Variants in ZNF197 observed in about 807,000 individuals in gnomAD.
ZNF197 encodes the protein VHL-associated KRAB-A domain-containing protein.
ZNF197 carries 14 observed loss-of-function variants against 27.4 expected under a neutral mutation model. The ratio of observed to expected loss-of-function variants is 0.51; its 90% CI spans 0.34 to 0.80. The LOEUF (loss-of-function observed/expected upper bound fraction) is 0.80, where lower values mean the gene tolerates loss of function less well. ZNF197 is among the 30% of genes least tolerant of loss of function. ZNF197 has a pLI of 0.02. For synonymous variants in ZNF197, 415 were observed against 420.0 expected, an observed-to-expected ratio of 0.99 and a Z score of 0.15; for missense variants, 1,090 against 1,222.6, an observed-to-expected ratio of 0.89 and a Z score of 1.62.
chr3:44,631,187 C>T lies in ZNF197; in HGVS notation c.516C>T (p.Asp172=), dbSNP rs765860236. The change falls in exon 3 of 6, where the codon GAC becomes GAT. Residue 172 remains aspartate (D), a synonymous_variant. Coordinates refer to ENST00000344387, the MANE Select transcript of ZNF197 (RefSeq NM_006991.5). ...AAEICPHPPT[D]LVAFNLQDPQ... ...AAATTTGCCCGCATCCTCCTACTGA[C>T]CTAGTGGCATTCAACCTCCAGGATC... The T allele has an allele frequency of 2.5e-6, 4 of 1,614,052 alleles. No individual in the cohort carries two copies. In the South Asian group the frequency reaches 3.3e-5, roughly 13 times the overall value.
intron 1 of ZNF197, among the ~76,000 whole-genome samples, chr3:44,627,288 A>C (rs1332866918): frequency 1.3e-5 from 2 of 152,198 alleles, no homozygotes; most frequent in Admixed American, 1.3e-4. Flanking sequence ...AAGTAAAATC[A>C]CTTCACTTAC....
rs142777984 is a variant in ZNF197 at position 44,634,861 on chromosome 3, T to C, written c.769+2262T>C. Reference sequence around the variant, plus strand: ...ATAGACATCTTGTGGAGGGGTGTTATTGCTTTTTGAGATGGCAGCCTCACT... The same window carrying C: ...ATAGACATCTTGTGGAGGGGTGTTACTGCTTTTTGAGATGGCAGCCTCACT... On this transcript the variant is annotated intron_variant, in intron 5 of 5. Transcript: ENST00000344387. Among the ~76,000 whole-genome samples the C allele has an allele frequency of 4.2e-3, 645 of 152,206 alleles. 6 individuals carry two copies. The highest frequency in any genetic ancestry group is 0.015 in the African/African-American group (620 of 41,522).
chr3:44,633,360 C>T (rs1267656864), intron 5 of ZNF197, among the ~76,000 whole-genome samples: 1 of 152,120 alleles, frequency 6.6e-6, no homozygotes, highest in Non-Finnish European at 1.5e-5. Flanking sequence ...CCTTAAATAG[C>T]TTACAATGGT....
chr3:44,646,710 T>G lies in ZNF197; in HGVS notation c.*2490T>G. The G allele has an allele frequency of 1.8e-6, 1 of 555,770 alleles. No individual in the cohort carries two copies. The highest frequency in any genetic ancestry group is 2.9e-5 in the East Asian group (1 of 33,988). 34.4% of individuals were successfully genotyped at this position (555,770 alleles called of 1,614,324 possible). A position where few individuals can be genotyped will look rare whatever the true frequency, so the allele number is the denominator to read the frequency against. On this transcript the variant is annotated 3_prime_UTR_variant, in exon 6 of 6. Coordinates refer to ENST00000344387, the MANE Select transcript of ZNF197 (RefSeq NM_006991.5). ...TTGTGTATGTATGAAAATTTCGATATGAAAGGTATAAAACATGGATGAGGA... is the reference window on the plus strand; with the variant it reads ...TTGTGTATGTATGAAAATTTCGATAGGAAAGGTATAAAACATGGATGAGGA...
At position 44,629,180 on chromosome 3, in the gene ZNF197, A is replaced by G. The variant is rs769468548; in HGVS notation, c.26A>G (p.Asn9Ser). 1.1e-5 allele frequency: 17 copies of G among 1,612,528 alleles called. No individual in the cohort carries two copies. In the Admixed American group the frequency reaches 1.3e-4, roughly 13 times the overall value. The change falls in exon 2 of 6, where the codon AAT (asparagine) becomes AGT (serine). Residue 9 changes from asparagine (N) to serine (S), a missense_variant. Coordinates refer to ENST00000344387, the MANE Select transcript of ZNF197 (RefSeq NM_006991.5). The part of the protein sequence containing the change: MTRENVAH[N>S]ALRQEGLVKG... ...ATGACAAGAGAAAATGTAGCCCACA[A>G]TGCTCTGAGACAAGAGGGCCTTGTG...
chr3:44,628,877 G>C (rs1404777687), intron 1 of ZNF197, 197 bp from the exon 2 acceptor site: 15 of 270,464 alleles, frequency 5.5e-5, no homozygotes, highest in Non-Finnish European at 1.0e-4. Context: ...CAGCAGTCTC[G>C]TGCGTAACAT....
At position 44,631,094 on chromosome 3, in the gene ZNF197, C is replaced by G. The variant is rs754783577; in HGVS notation, c.423C>G (p.Leu141=). Reference sequence around the variant, plus strand: ...TCCTTGTCAAGGATCAGGACACTCTCCAGAAGGTGGTGAGTGCCCCAGGAA... The same window carrying G: ...TCCTTGTCAAGGATCAGGACACTCTGCAGAAGGTGGTGAGTGCCCCAGGAA... ...VPVLVKDQDT[L]QKVVSAPGTT... is the part of the protein sequence containing the mutation. The change falls in exon 3 of 6, where the codon CTC becomes CTG. Residue 141 remains leucine (L), a synonymous_variant. Transcript: ENST00000344387. 18 of 1,614,022 alleles carry G rather than the reference C, an allele frequency of 1.1e-5. No homozygotes were observed. Among genetic ancestry groups the G allele is most frequent in the Non-Finnish European group, 1.4e-5 (17 of 1,180,028 alleles).
chr3:44,634,451 A>G (rs572526291), intron 5 of ZNF197, among the ~76,000 whole-genome samples: 4 of 151,576 alleles, frequency 2.6e-5, no homozygotes, highest in Admixed American at 2.6e-4. Flanking sequence ...ACCCACCTGT[A>G]TTCTATTTTT....
Position 44,645,057 on chromosome 3 carries a change from T to G in ZNF197, c.*837T>G. On this transcript the variant is annotated 3_prime_UTR_variant, in exon 6 of 6. Coordinates refer to ENST00000344387, the MANE Select transcript of ZNF197 (RefSeq NM_006991.5). ...GAGGACAACCTAAAAGAGCACTGGA[T>G]TTGGAATCAGAAGACCTACCTTTGA... is the stretch of plus-strand genomic sequence containing the variant. 2.0e-6 allele frequency: 2 copies of G among 985,402 alleles called. No individual in the cohort carries two copies. Among genetic ancestry groups the G allele is most frequent in the Non-Finnish European group, 2.4e-6 (2 of 829,920 alleles). 61.0% of individuals were successfully genotyped at this position (985,402 alleles called of 1,614,324 possible).
intron 5 of ZNF197, among the ~76,000 whole-genome samples, chr3:44,632,874 G>A (rs1348341094): frequency 6.6e-6 from 1 of 152,050 alleles, no homozygotes; most frequent in African/African-American, 2.4e-5. Context: ...CCTTGTGTGT[G>A]TTCTCACATG....
At chr3:44,625,373 G>A (rs886527012) in intron 1 of ZNF197, among the ~76,000 whole-genome samples, 1 of 152,220 alleles carries the variant, frequency 6.6e-6, no homozygotes, top group African/African-American at 2.4e-5. Flanking sequence ...GTGTGTTTGT[G>A]GACCGGTGCT....
intron 5 of ZNF197, among the ~76,000 whole-genome samples, chr3:44,641,377 T>A (rs1321257094): frequency 6.6e-6 from 1 of 152,240 alleles, no homozygotes; most frequent in Non-Finnish European, 1.5e-5. Flanking sequence ...TGCTTTTCAA[T>A]GGATTTCTTT....
chr3:44,637,374 T>C (rs909197895), intron 5 of ZNF197, among the ~76,000 whole-genome samples: 1 of 152,160 alleles, frequency 6.6e-6, no homozygotes, highest in Non-Finnish European at 1.5e-5. Flanking sequence ...GCGATCTTCC[T>C]GCCTCAGCCT....
Position 44,629,559 on chromosome 3 carries a change from G to T in ZNF197, c.390+15G>T. The T allele has an allele frequency of 6.5e-7, 1 of 1,537,558 alleles. No homozygotes were observed. The highest frequency in any genetic ancestry group is 8.7e-7 in the Non-Finnish European group (1 of 1,143,886). On this transcript the variant is annotated intron_variant, in intron 2 of 5. Transcript: ENST00000344387. ...CAGCAATACAAGTGAGAAAGACAGG[G>T]AGGGGCGGTGGGTGTTGGGATGAAA... is the stretch of plus-strand genomic sequence containing the variant.
chr3:44,634,634 G>T lies in ZNF197; in HGVS notation c.769+2035G>T, dbSNP rs572055161. ...CCAGCTAATTTTTGTATTTTTAGTA[G>T]AGACGGGGTTTCGCCATGTTGGCCA... On this transcript the variant is annotated intron_variant, in intron 5 of 5. Transcript: ENST00000344387. Among the ~76,000 whole-genome samples, 68 of 151,834 alleles carry T rather than the reference G, an allele frequency of 4.5e-4. No homozygotes were observed. In the South Asian group the frequency reaches 6.2e-3, roughly 14 times the overall value.
At position 44,647,079 on chromosome 3, in the gene ZNF197, A is replaced by G. The variant is rs986385552; in HGVS notation, c.*2859A>G. 2 of 152,282 alleles carry G rather than the reference A, an allele frequency of 1.3e-5. No individual in the cohort carries two copies. The highest frequency in any genetic ancestry group is 1.5e-5 in the Non-Finnish European group (1 of 68,072). 9.4% of individuals were successfully genotyped at this position (152,282 alleles called of 1,614,324 possible). A position where few individuals can be genotyped will look rare whatever the true frequency, so the allele number is the denominator to read the frequency against. ...GGTTGGGAAAAAATATTTGCAAATC[A>G]TATCCAACAAGGGATTTGTATGTAA... On this transcript the variant is annotated 3_prime_UTR_variant, in exon 6 of 6. Transcript: ENST00000344387.
At position 44,643,723 on chromosome 3, in the gene ZNF197, C is replaced by CA. The variant is rs774055232; in HGVS notation, c.2596dup (p.Arg866LysfsTer15). ...GTACAACAGAAACCTGATTGAACATCAAAGAATTCACAGTGGAGAAAAAAC... is the reference window on the plus strand; with the variant it reads ...GTACAACAGAAACCTGATTGAACATCAAAAGAATTCACAGTGGAGAAAAAAC... On this transcript the variant is annotated frameshift_variant, in exon 6 of 6. Coordinates refer to ENST00000344387, the MANE Select transcript of ZNF197 (RefSeq NM_006991.5). LOFTEE classifies it low-confidence loss of function (END_TRUNC). The CA allele has an allele frequency of 6.2e-7, 1 of 1,613,998 alleles. No individual in the cohort carries two copies. The highest frequency in any genetic ancestry group is 8.5e-7 in the Non-Finnish European group (1 of 1,179,982).
chr3:44,636,028 G>A lies in ZNF197; in HGVS notation c.769+3429G>A, dbSNP rs115539893. 9.1e-3 allele frequency among the ~76,000 whole-genome samples: 1,386 copies of A among 152,248 alleles called. 22 individuals are homozygous for A. The highest frequency in any genetic ancestry group is 0.031 in the African/African-American group (1,286 of 41,532). On this transcript the variant is annotated intron_variant, in intron 5 of 5. Transcript: ENST00000344387. ...CAATAATTTTAAAACATTTTCGGCCGGCATGGTGGCTCATGCCTGTAATCC... is the reference window on the plus strand; with the variant it reads ...CAATAATTTTAAAACATTTTCGGCCAGCATGGTGGCTCATGCCTGTAATCC...
At position 44,631,180 on chromosome 3, in the gene ZNF197, C is replaced by G. The variant is rs1414283287; in HGVS notation, c.509C>G (p.Pro170Arg). 6 of 1,614,042 alleles carry G rather than the reference C, an allele frequency of 3.7e-6. No individual in the cohort carries two copies. The South Asian group carries it at 6.6e-5, about 18-fold the overall frequency. Reference sequence around the variant, plus strand: ...GCAGCTGAAATTTGCCCGCATCCTCCTACTGACCTAGTGGCATTCAACCTC... The same window carrying G: ...GCAGCTGAAATTTGCCCGCATCCTCGTACTGACCTAGTGGCATTCAACCTC... ...HIAAEICPHPPTDLVAFNLQD... is the reference protein window; with the variant it reads ...HIAAEICPHPRTDLVAFNLQD... The change falls in exon 3 of 6, where the codon CCT becomes CGT. Residue 170 changes from proline to arginine, a missense_variant. Pro to Arg is a moderately radical substitution (Grantham distance 103). Coordinates refer to ENST00000344387, the MANE Select transcript of ZNF197 (RefSeq NM_006991.5).
Sources: gnomAD v4.1 joint callset for allele counts (sites outside exome capture counted in the v4.1 genomes callset) on GRCh38, gnomAD v4.1.1 for gene constraint, MANE v1.5 for transcripts, NCBI Gene and HGNC (gene_info 2026-07-23, HGNC 2026-07-21) for gene names.